The following TTLL11 variants were observed in gnomAD, a reference collection of about 807,000 sequenced individuals.
TTLL11 encodes the protein tubulin polyglutamylase TTLL11.
Under a neutral mutation model 51.7 loss-of-function variants are expected in TTLL11, and 42 were observed. That is an observed-to-expected ratio of 0.81 (90% CI 0.64 to 1.05). TTLL11 has a LOEUF of 1.05. Ranked by LOEUF, TTLL11 falls within the 50% of genes least tolerant of loss-of-function variation. The pLI is 0.00. For missense variants in TTLL11, 799 were observed against 940.4 expected (o/e 0.85, Z 1.97); for synonymous variants, 381 against 383.5 (o/e 0.99, Z 0.08).
At chr9:121,891,084 G>A (rs1839211667) in intron 6 of TTLL11, among the ~76,000 whole-genome samples, 1 of 152,164 alleles carries the variant, frequency 6.6e-6, no homozygotes, top group African/African-American at 2.4e-5. Context: ...ATGACACCCT[G>A]TTTTTAACCC....
intron 2 of TTLL11, among the ~76,000 whole-genome samples, chr9:122,032,603 G>T (rs981771519): frequency 6.7e-6 from 1 of 148,788 alleles, no homozygotes; most frequent in Non-Finnish European, 1.5e-5. Flanking sequence ...AGCCAAGATC[G>T]AGCCACTGCA....
intron 3 of TTLL11, among the ~76,000 whole-genome samples, chr9:121,990,787 G>A (rs1843089245): frequency 2.0e-5 from 3 of 152,036 alleles, no homozygotes; most frequent in South Asian, 2.1e-4. Flanking sequence ...AGATCCCGTC[G>A]TCCACAGTAT....
Position 121,989,710 on chromosome 9 carries a change from C to T in TTLL11, c.754G>A (p.Gly252Ser). 1 of 1,612,888 alleles carries T rather than the reference C, an allele frequency of 6.2e-7. No homozygotes were observed. The highest frequency in any genetic ancestry group is 1.1e-5 in the South Asian group (1 of 91,004). The change falls in exon 4 of 9, where the codon GGT (glycine) becomes AGT (serine). Residue 252 changes from glycine to serine, a missense_variant. Gly to Ser is a moderately conservative substitution (Grantham distance 56). This residue lies in a region of TTLL11 where 468 missense variants were observed against 612.8 expected (regional missense o/e 0.76). Coordinates refer to ENST00000321582, the MANE Select transcript of TTLL11 (RefSeq NM_001139442.2). This position sits in a 1 kb window ranked among gnomAD's most constrained non-coding sequence, Gnocchi z 4.2. ...WKPTFIVKPD[G>S]GCQGDGIYLI... ...TAGATTCCATCACCCTGACAACCAC[C>T]ATCAGGTTTCACGATAAAAGTGGGC...
intron 6 of TTLL11, among the ~76,000 whole-genome samples, chr9:121,962,712 G>T (rs1304258366): frequency 1.3e-5 from 2 of 152,180 alleles, no homozygotes; most frequent in Non-Finnish European, 2.9e-5. Context: ...ACTCTCTCTT[G>T]TCTCATGTGA....
chr9:121,834,737 G>T (rs958057920), intron 8 of TTLL11, among the ~76,000 whole-genome samples: 16 of 151,816 alleles, frequency 1.1e-4, no homozygotes, highest in Admixed American at 5.3e-4. Flanking sequence ...TGAGGCAGGA[G>T]AATTGCTTGA....
chr9:121,854,924 T>G (rs908155384), intron 8 of TTLL11, among the ~76,000 whole-genome samples: 1 of 152,232 alleles, frequency 6.6e-6, no homozygotes, highest in Non-Finnish European at 1.5e-5. Context: ...TTAAAATTCT[T>G]ATCTTTTTTT....
chr9:122,024,477 A>T (rs11524681), intron 3 of TTLL11, among the ~76,000 whole-genome samples: 32,033 of 152,134 alleles, frequency 0.21, 3,686 homozygotes, highest in Non-Finnish European at 0.24. Flanking sequence ...ACAATAGCCA[A>T]AACAACTTTG....
At chr9:121,998,978 T>A (rs1179317855) in intron 3 of TTLL11, among the ~76,000 whole-genome samples, 1 of 152,192 alleles carries the variant, frequency 6.6e-6, no homozygotes, top group African/African-American at 2.4e-5. Flanking sequence ...TAGAGGTTTC[T>A]CCCCATATTC....
chr9:122,012,938 A>G (rs751440864), intron 3 of TTLL11, among the ~76,000 whole-genome samples: 6 of 152,188 alleles, frequency 3.9e-5, no homozygotes, highest in Non-Finnish European at 8.8e-5. Flanking sequence ...TCCTTTCTTA[A>G]TATTCATTCA....
At chr9:121,908,626 T>G (rs1564299771) in intron 6 of TTLL11, among the ~76,000 whole-genome samples, 1 of 152,226 alleles carries the variant, frequency 6.6e-6, no homozygotes. Context: ...ACTCATCTCT[T>G]CATTTGTTTG....
chr9:121,841,031 G>A (rs1837330246), intron 8 of TTLL11, among the ~76,000 whole-genome samples: 1 of 152,154 alleles, frequency 6.6e-6, no homozygotes, highest in South Asian at 2.1e-4. Context: ...ACAGAGCAAG[G>A]AGAGAGCATG....
intron 6 of TTLL11, among the ~76,000 whole-genome samples, chr9:121,881,048 A>C (rs1474433623): frequency 6.6e-6 from 1 of 152,176 alleles, no homozygotes; most frequent in African/African-American, 2.4e-5. Flanking sequence ...AAGAACAAAA[A>C]TTTCCTAATG....
intron 6 of TTLL11, among the ~76,000 whole-genome samples, chr9:121,889,244 T>C (rs1839129303): frequency 6.6e-6 from 1 of 151,848 alleles, no homozygotes; most frequent in African/African-American, 2.4e-5. Flanking sequence ...AGGGAGGGAA[T>C]AGTGAGAGAC....
intron 2 of TTLL11, among the ~76,000 whole-genome samples, chr9:122,032,298 C>T (rs1844576667): frequency 6.6e-6 from 1 of 152,044 alleles, no homozygotes. Context: ...TTATGAGAGG[C>T]TTAATTAAGT....
intron 6 of TTLL11, among the ~76,000 whole-genome samples, chr9:121,965,628 A>G (rs116546197): frequency 6.6e-6 from 1 of 152,306 alleles, no homozygotes; most frequent in African/African-American, 2.4e-5. Flanking sequence ...AGCAGTGCAC[A>G]CATGAATGGG....
intron 6 of TTLL11, among the ~76,000 whole-genome samples, chr9:121,909,157 A>G (rs1840032100): frequency 6.6e-6 from 1 of 152,138 alleles, no homozygotes; most frequent in Non-Finnish European, 1.5e-5. Context: ...TCATTTATTC[A>G]TTCATTCTTC....
intron 8 of TTLL11, among the ~76,000 whole-genome samples, chr9:121,838,201 T>G (rs1471330862): frequency 2.0e-5 from 3 of 152,104 alleles, no homozygotes; most frequent in African/African-American, 7.2e-5. Flanking sequence ...TAATAAATGG[T>G]CTCTCCACCC....
At chr9:122,073,839 T>C (rs982470244) in intron 1 of TTLL11, among the ~76,000 whole-genome samples, 6 of 152,170 alleles carry the variant, frequency 3.9e-5, no homozygotes, top group Non-Finnish European at 5.9e-5. Flanking sequence ...CATCTTGCCT[T>C]CCTCTGTCAC....
chr9:122,045,733 G>T (rs1023905565), intron 1 of TTLL11, among the ~76,000 whole-genome samples: 1 of 152,184 alleles, frequency 6.6e-6, no homozygotes, highest in Non-Finnish European at 1.5e-5. Context: ...ATAAAGGAAG[G>T]AAATTCTTCT....
Sources: gnomAD v4.1 joint callset for allele counts (sites outside exome capture counted in the v4.1 genomes callset) on GRCh38, gnomAD v4.1.1 for gene constraint, gnomAD v4.1.1 regional missense constraint, Gnocchi (gnomAD v3.1) non-coding constraint, MANE v1.5 for transcripts, NCBI Gene and HGNC (gene_info 2026-07-23, HGNC 2026-07-21) for gene names.